The following MRPL38 variants were observed in gnomAD, a reference collection of about 807,000 sequenced individuals.
MRPL38 encodes the protein large ribosomal subunit protein mL38.
MRPL38 carries 51 observed loss-of-function variants against 52.1 expected under a neutral mutation model. The observed-to-expected ratio is 0.98, with a 90% confidence interval of 0.78 to 1.24. The LOEUF (loss-of-function observed/expected upper bound fraction) is 1.24. Ranked by LOEUF, MRPL38 falls within the 50% of genes most tolerant of loss-of-function variation. MRPL38 has a pLI of 0.00. For missense variants in MRPL38, 527 were observed against 518.6 expected (o/e 1.02, Z -0.16); for synonymous variants, 245 against 212.7 (o/e 1.15, Z -1.32).
chr17:75,903,063 A>T (rs2065412060), intron 2 of MRPL38, among the ~76,000 whole-genome samples: 1 of 152,202 alleles, frequency 6.6e-6, no homozygotes, highest in African/African-American at 2.4e-5. Flanking sequence ...GGTGGCTATG[A>T]ACACCCAGCT....
chr17:75,898,817 T>C lies in MRPL38; in HGVS notation c.*33A>G. On this transcript the variant is annotated 3_prime_UTR_variant, in exon 9 of 9. Coordinates refer to ENST00000309352, the MANE Select transcript of MRPL38 (RefSeq NM_032478.4). ...TGTCTTTACTCTTGCTGCCGATCAA[T>C]CCCATGCTCTGAAATGCGCACACTC... is the stretch of plus-strand genomic sequence containing the variant. 6.2e-7 allele frequency: 1 copy of C among 1,610,330 alleles called. No homozygotes were observed. Among genetic ancestry groups the C allele is most frequent in the South Asian group, 1.1e-5 (1 of 90,594 alleles).
intron 6 of MRPL38, 178 bp from the exon 7 acceptor site, chr17:75,899,852 C>T (rs139902885): frequency 9.7e-4 from 432 of 444,246 alleles, no homozygotes; most frequent in Non-Finnish European, 1.4e-3. Flanking sequence ...GCTGCAAATA[C>T]GGGAAGCGGG....
At chr17:75,899,387 G>A (rs1047127426) in intron 7 of MRPL38, 93 bp from the exon 8 acceptor site, 113 of 1,530,136 alleles carry the variant, frequency 7.4e-5, no homozygotes, top group Non-Finnish European at 9.6e-5. Context: ...GAGGCCCCTG[G>A]GAGTCTGCTA....
Position 75,900,990 on chromosome 17 carries a change from G to A in MRPL38, c.702C>T (p.His234=). The change falls in exon 6 of 9, where the codon CAC becomes CAT. Residue 234 remains histidine, a synonymous_variant. Transcript: ENST00000309352. The part of the protein sequence containing the change: ...HLLEPDAEYL[H]WLLTNIPGNR... Reference sequence around the variant, plus strand: ...AGTACTCCAGTACTCACAGCAGCCAGTGGAGGTACTCAGCATCTGGCTCCA... The same window carrying A: ...AGTACTCCAGTACTCACAGCAGCCAATGGAGGTACTCAGCATCTGGCTCCA... 6.2e-7 allele frequency: 1 copy of A among 1,612,722 alleles called. No homozygotes were observed. Among genetic ancestry groups the A allele is most frequent in the Non-Finnish European group, 8.5e-7 (1 of 1,179,470 alleles).
chr17:75,898,783 C>G lies in MRPL38; in HGVS notation c.*67G>C, dbSNP rs1237633442. The G allele has an allele frequency of 1.9e-6, 3 of 1,591,058 alleles. No homozygotes were observed. Among genetic ancestry groups the G allele is most frequent in the Non-Finnish European group, 2.6e-6 (3 of 1,168,914 alleles). ...GGCCCAGACCCCACAGTGTGGGCCT[C>G]TGGAGCTGTGTCTTTACTCTTGCTG... On this transcript the variant is annotated 3_prime_UTR_variant, in exon 9 of 9. Coordinates refer to ENST00000309352, the MANE Select transcript of MRPL38 (RefSeq NM_032478.4).
In MRPL38 at chr17:75,901,009, G is replaced by A; in HGVS notation, c.683C>T (p.Pro228Leu). The A allele has an allele frequency of 6.2e-7, 1 of 1,612,626 alleles. No individual in the cohort carries two copies. Among genetic ancestry groups the A allele is most frequent in the Non-Finnish European group, 8.5e-7 (1 of 1,179,464 alleles). The change falls in exon 6 of 9, where the codon CCA becomes CTA. Residue 228 changes from proline (P) to leucine (L), a missense_variant. Transcript: ENST00000309352. The surrounding 1 kb of genome is among the most constrained non-coding windows in gnomAD (Gnocchi z 5.7). The stretch of plus-strand genomic sequence containing the variant: ...CAGCCAGTGGAGGTACTCAGCATCT[G>A]GCTCCAGCAGGTGCCCATCTGCACA... ...LTSLDGHLLEPDAEYLHWLLT... is the reference protein window; with the variant it reads ...LTSLDGHLLELDAEYLHWLLT...
Position 75,899,578 on chromosome 17 carries a change from G to T in MRPL38, c.807C>A (p.Ala269=). 1 of 1,608,702 alleles carries T rather than the reference G, an allele frequency of 6.2e-7. No individual in the cohort carries two copies. Among genetic ancestry groups the T allele is most frequent in the African/African-American group, 1.3e-5 (1 of 74,972 alleles). ...PARGSGIHRL[A]FLLFKQDQPI... ...GCTGGTCCTGCTTGAAGAGCAGGAA[G>T]GCAAGACGGTGGATGCCGGAGCCTC... The change falls in exon 7 of 9, where the codon GCC becomes GCA. Residue 269 remains alanine, a synonymous_variant. Transcript: ENST00000309352.
chr17:75,900,974 G>A lies in MRPL38; in HGVS notation c.710+8C>T. On this transcript the variant is annotated splice_region_variant and intron_variant, in intron 6 of 8. Coordinates refer to ENST00000309352, the MANE Select transcript of MRPL38 (RefSeq NM_032478.4). ...AGCACCCCCTACCCCCAGTACTCCAGTACTCACAGCAGCCAGTGGAGGTAC... is the reference window on the plus strand; with the variant it reads ...AGCACCCCCTACCCCCAGTACTCCAATACTCACAGCAGCCAGTGGAGGTAC... 1 of 1,611,688 alleles carries A rather than the reference G, an allele frequency of 6.2e-7. No homozygotes were observed. The highest frequency in any genetic ancestry group is 1.1e-5 in the South Asian group (1 of 90,638).
At position 75,904,726 on chromosome 17, in the gene MRPL38, G is replaced by C; in HGVS notation, c.68-7C>G. On this transcript the variant is annotated splice_region_variant and splice_polypyrimidine_tract_variant and intron_variant, in intron 1 of 8. Coordinates refer to ENST00000309352, the MANE Select transcript of MRPL38 (RefSeq NM_032478.4). ...GTCCGGCGGCCCAGGACGGCTGCGG[G>C]CAGAGAGAAGACGTAAGGCCGGCGC... 6.4e-7 allele frequency: 1 copy of C among 1,566,810 alleles called. No homozygotes were observed. The highest frequency in any genetic ancestry group is 8.6e-7 in the Non-Finnish European group (1 of 1,165,866).
intron 2 of MRPL38, chr17:75,904,196 T>C: frequency 1.9e-6 from 1 of 515,848 alleles, no homozygotes; most frequent in Non-Finnish European, 3.9e-6. Context: ...CAGCGCACAG[T>C]CAGAATGCAG....
In MRPL38 at chr17:75,901,613, G is replaced by A; in HGVS notation, c.591+99C>T. 2 of 1,011,540 alleles carry A rather than the reference G, an allele frequency of 2.0e-6. No individual in the cohort carries two copies. The highest frequency in any genetic ancestry group is 1.4e-5 in the South Asian group (1 of 73,282). 62.7% of individuals were successfully genotyped at this position (1,011,540 alleles called of 1,614,324 possible). A position where few individuals can be genotyped will look rare whatever the true frequency, so the allele number is the denominator to read the frequency against. ...TCTTCCAGGAAATCAAAGAGACAGA[G>A]AACAACAAAATTCCAAACCCAGGAG... On this transcript the variant is annotated intron_variant, in intron 4 of 8. Transcript: ENST00000309352. The surrounding 1 kb of genome is among the most constrained non-coding windows in gnomAD (Gnocchi z 5.7).
At chr17:75,900,943 C>T (rs1192086206) in intron 6 of MRPL38, 39 bp downstream of exon 6, 1 of 1,577,406 alleles carries the variant, frequency 6.3e-7, no homozygotes, top group Admixed American at 1.7e-5. Context: ...CTCTTCCCGC[C>T]TGGGCAGCAC....
rs1225695231 is a variant in MRPL38 at position 75,901,044 on chromosome 17, CT to C, written c.665-18del. ...GGTGCCCATCTGCACAAAAACACACCTGCTGACCACGGCCCAGCCGACCACG... is the reference window on the plus strand; with the variant it reads ...GGTGCCCATCTGCACAAAAACACACCGCTGACCACGGCCCAGCCGACCACG... On this transcript the variant is annotated intron_variant, in intron 5 of 8. Coordinates refer to ENST00000309352, the MANE Select transcript of MRPL38 (RefSeq NM_032478.4). The surrounding 1 kb of genome is among the most constrained non-coding windows in gnomAD (Gnocchi z 5.7). 1 of 1,610,628 alleles carries C rather than the reference CT, an allele frequency of 6.2e-7. No individual in the cohort carries two copies. The highest frequency in any genetic ancestry group is 1.1e-5 in the South Asian group (1 of 90,534).
rs903581280 is a variant in MRPL38 at position 75,902,838 on chromosome 17, C to T, written c.248-684G>A. Among the ~76,000 whole-genome samples the T allele has an allele frequency of 3.4e-4, 52 of 152,208 alleles. 2 individuals are homozygous for T. The highest frequency in any genetic ancestry group is 3.3e-3 in the Admixed American group (51 of 15,274). On this transcript the variant is annotated intron_variant, in intron 2 of 8. Coordinates refer to ENST00000309352, the MANE Select transcript of MRPL38 (RefSeq NM_032478.4). ...CCGGGTTCAAGCAATTCTCCTGTCTCAGCCTTCTGAGTAGCTGGGATTACA... is the reference window on the plus strand; with the variant it reads ...CCGGGTTCAAGCAATTCTCCTGTCTTAGCCTTCTGAGTAGCTGGGATTACA...
In MRPL38 at chr17:75,903,129, C is replaced by T. The variant is rs527988479; in HGVS notation, c.248-975G>A. ...AAGGACTTATAGAAGTGCTTCTCGGCCAGGTGCTATGGCTCACGCCTGTAA... is the reference window on the plus strand; with the variant it reads ...AAGGACTTATAGAAGTGCTTCTCGGTCAGGTGCTATGGCTCACGCCTGTAA... On this transcript the variant is annotated intron_variant, in intron 2 of 8. Transcript: ENST00000309352. Among the ~76,000 whole-genome samples the T allele has an allele frequency of 2.3e-3, 357 of 152,336 alleles. 2 individuals are homozygous for T. Among genetic ancestry groups the T allele is most frequent in the Middle Eastern group, 0.017 (5 of 294 alleles).
intron 6 of MRPL38, chr17:75,900,734 AAAAAG>A (rs1303998808): frequency 2.3e-5 from 31 of 1,319,164 alleles, no homozygotes; most frequent in African/African-American, 4.5e-5. Context: ...AAAAAAAAAA[AAAAAG>A]AAAAGAAAAG....
At chr17:75,902,999 T>C (rs1434805325) in intron 2 of MRPL38, among the ~76,000 whole-genome samples, 2 of 152,200 alleles carry the variant, frequency 1.3e-5, no homozygotes, top group East Asian at 3.9e-4. Context: ...CATGGGAAAC[T>C]GAAGTCAATG....
Position 75,904,607 on chromosome 17 carries a change from T to C in MRPL38, c.180A>G (p.Arg60=), listed in dbSNP as rs3744015. The part of the protein sequence containing the change: ...KYRSFDRYRR[R]AEQEAQAPHW... ...GCGGGGCCTGCGCCTCCTGCTCTGC[T>C]CGGCGCCGGTAGCGGTCGAAGCTCC... is the stretch of plus-strand genomic sequence containing the variant. The change falls in exon 2 of 9, where the codon CGA becomes CGG. Residue 60 remains arginine (R), a synonymous_variant. Transcript: ENST00000309352. 554,932 of 1,591,054 alleles carry C rather than the reference T, an allele frequency of 0.35. 105,660 individuals are homozygous for C. The highest frequency in any genetic ancestry group is 0.78 in the African/African-American group (58,371 of 74,720).
In MRPL38 at chr17:75,899,497, T is replaced by G; in HGVS notation, c.869+19A>C. ...GGAGCTGGCCTGAGGCCGGGTTATGTGTGGGTGGTGTAGATTACCAGGGTG... is the reference window on the plus strand; with the variant it reads ...GGAGCTGGCCTGAGGCCGGGTTATGGGTGGGTGGTGTAGATTACCAGGGTG... On this transcript the variant is annotated intron_variant, in intron 7 of 8. Transcript: ENST00000309352. 1.3e-6 allele frequency: 2 copies of G among 1,565,324 alleles called. No individual in the cohort carries two copies. Among genetic ancestry groups the G allele is most frequent in the Non-Finnish European group, 1.7e-6 (2 of 1,150,440 alleles).
Sources: allele counts gnomAD v4.1 joint callset (sites outside exome capture counted in the v4.1 genomes callset), GRCh38; gene constraint gnomAD v4.1.1; non-coding constraint Gnocchi (gnomAD v3.1); transcripts MANE v1.5; gene names NCBI Gene and HGNC (gene_info 2026-07-23, HGNC 2026-07-21).